ACOT11: variants seen among roughly 807,000 people sequenced by gnomAD.
The protein encoded by ACOT11 is acyl-CoA thioesterase 11, also known as acyl-coenzyme A thioesterase 11.
In ACOT11, 69 loss-of-function variants were observed where a neutral mutation model predicts 77.5. The ratio of observed to expected loss-of-function variants is 0.89; its 90% confidence interval spans 0.73 to 1.09. ACOT11 has a LOEUF of 1.09. ACOT11 is among the 50% of genes least tolerant of loss of function. The probability of loss-of-function intolerance (pLI) is 0.00; values close to 1 mark genes in which losing one functional copy is unlikely to be tolerated. For synonymous variants in ACOT11, 279 were observed against 313.0 expected (o/e 0.89, Z 1.15); for missense variants, 766 against 813.7 (o/e 0.94, Z 0.71).
intron 10 of ACOT11, 53 bp downstream of exon 10, chr1:54,602,777 C>T: frequency 6.8e-7 from 1 of 1,464,790 alleles, no homozygotes; most frequent in Admixed American, 2.7e-5. Context: ...TGTTCACGCT[C>T]CGCTGACCCC....
Position 54,592,606 on chromosome 1 carries a change from G to C in ACOT11, c.372G>C (p.Glu124Asp). 1 of 1,613,576 alleles carries C rather than the reference G, an allele frequency of 6.2e-7. No individual in the cohort carries two copies. Among genetic ancestry groups the C allele is most frequent in the Non-Finnish European group, 8.5e-7 (1 of 1,179,758 alleles). Residue 124 changes from glutamate to aspartate, a missense_variant and splice_region_variant, in exon 4 of 16, where the codon GAG (glutamate) becomes GAC (aspartate). Glu to Asp is a conservative substitution (Grantham distance 45, BLOSUM62 2). Transcript: ENST00000343744. ...ACCGGGCCTTCAACTCCAGCATGGA[G>C]GTGTGTGGGGTGGGCACTGCTTGGG... ...KVNRAFNSSMEVGIQVASEDL... is the reference protein window; with the variant it reads ...KVNRAFNSSMDVGIQVASEDL...
intron 6 of ACOT11, among the ~76,000 whole-genome samples, chr1:54,596,665 C>T (rs574487012): frequency 1.3e-5 from 2 of 152,236 alleles, no homozygotes; most frequent in African/African-American, 4.8e-5. Flanking sequence ...CCTCTGCCTC[C>T]CAGGTTCAAG....
chr1:54,590,426 C>T (rs778305225), intron 3 of ACOT11, among the ~76,000 whole-genome samples: 7 of 151,820 alleles, frequency 4.6e-5, no homozygotes, highest in South Asian at 2.1e-4. Context: ...GGGAAGGATC[C>T]GGTTTGGGCC....
At chr1:54,619,753 T>C in intron 15 of ACOT11, 1 of 1,140,446 alleles carries the variant, frequency 8.8e-7, no homozygotes, top group Non-Finnish European at 1.3e-6. Context: ...CTGAAAGACA[T>C]GTAAACAGCC....
intron 1 of ACOT11, among the ~76,000 whole-genome samples, chr1:54,554,897 A>G (rs1014981317): frequency 2.6e-5 from 4 of 152,208 alleles, no homozygotes; most frequent in African/African-American, 9.6e-5. Context: ...TCCCATGAAC[A>G]GTGTCAAAAG....
chr1:54,613,647 T>C (rs1314969109), downstream of ACOT11, among the ~76,000 whole-genome samples: 1 of 152,188 alleles, frequency 6.6e-6, no homozygotes, highest in Non-Finnish European at 1.5e-5. Context: ...TTTGTACTTT[T>C]CTTCTTCAAA....
At position 54,609,187 on chromosome 1, in the gene ACOT11, A is replaced by G; in HGVS notation, c.*75A>G. 1 of 1,602,774 alleles carries G rather than the reference A, an allele frequency of 6.2e-7. No individual in the cohort carries two copies. Among genetic ancestry groups the G allele is most frequent in the Non-Finnish European group, 8.5e-7 (1 of 1,173,944 alleles). The stretch of plus-strand genomic sequence containing the variant: ...AGGACTCACATACAGTGCCTGGAGA[A>G]AGCCAAAGACCTTTATTTCTTCCTG... On this transcript the variant is annotated 3_prime_UTR_variant, in exon 16 of 16. Coordinates refer to ENST00000343744, the MANE Select transcript of ACOT11 (RefSeq NM_147161.4).
chr1:54,622,045 G>A (rs1304129142), intron 15 of ACOT11, among the ~76,000 whole-genome samples: 1 of 152,014 alleles, frequency 6.6e-6, no homozygotes, highest in Non-Finnish European at 1.5e-5. Context: ...AGGCCAAGGT[G>A]GGCAGATCAC....
intron 15 of ACOT11, among the ~76,000 whole-genome samples, chr1:54,628,594 C>A (rs1470461977): frequency 1.7e-5 from 1 of 58,996 alleles, no homozygotes; most frequent in East Asian, 8.4e-4. Context: ...GACCCCATCG[C>A]CCCCCCCCCC....
At chr1:54,628,676 AG>A (rs1644284644) in intron 15 of ACOT11, among the ~76,000 whole-genome samples, 1 of 126,540 alleles carries the variant, frequency 7.9e-6, no homozygotes, top group Non-Finnish European at 1.7e-5. Flanking sequence ...AGGTGGTCTC[AG>A]CACTCTAAAT....
chr1:54,573,582 A>T (rs1381303316), intron 1 of ACOT11, among the ~76,000 whole-genome samples: 1 of 152,100 alleles, frequency 6.6e-6, no homozygotes, highest in Non-Finnish European at 1.5e-5. Context: ...AAAATACAAA[A>T]AGTATCCAGG....
At chr1:54,589,712 C>T (rs1654638146) in intron 3 of ACOT11, among the ~76,000 whole-genome samples, 1 of 152,032 alleles carries the variant, frequency 6.6e-6, no homozygotes, top group Non-Finnish European at 1.5e-5. Flanking sequence ...GTCTCAAATT[C>T]CTAGCTTCAA....
At chr1:54,592,163 G>T (rs1005751191) in intron 3 of ACOT11, among the ~76,000 whole-genome samples, 3 of 152,160 alleles carry the variant, frequency 2.0e-5, no homozygotes, top group African/African-American at 7.2e-5. Flanking sequence ...GGAGAGTGCC[G>T]CAGGGTGAGC....
chr1:54,611,535 C>T, downstream of ACOT11: 6 of 1,537,230 alleles, frequency 3.9e-6, 1 homozygote, highest in Non-Finnish European at 5.4e-6. Context: ...CCCAGCTCTG[C>T]TCCAGTGCCC....
chr1:54,600,337 A>G (rs1000890861), intron 8 of ACOT11, among the ~76,000 whole-genome samples: 2 of 152,196 alleles, frequency 1.3e-5, no homozygotes, highest in African/African-American at 4.8e-5. Flanking sequence ...CTGCAATCAT[A>G]GAACTTCCAA....
chr1:54,596,396 G>A (rs1026116396), intron 6 of ACOT11, among the ~76,000 whole-genome samples: 2 of 152,156 alleles, frequency 1.3e-5, no homozygotes, highest in Non-Finnish European at 2.9e-5. Flanking sequence ...CACCACCTTG[G>A]GTTTGGTGGG....
At chr1:54,602,992 C>T (rs1447794480) in intron 10 of ACOT11, among the ~76,000 whole-genome samples, 1 of 152,140 alleles carries the variant, frequency 6.6e-6, no homozygotes, top group African/African-American at 2.4e-5. Flanking sequence ...TGAGTCCAGC[C>T]GATTTTAAAT....
rs542260869 is a variant in ACOT11 at position 54,573,521 on chromosome 1, C to T, written c.34-11134C>T. On this transcript the variant is annotated intron_variant, in intron 1 of 15. Transcript: ENST00000343744. ...GCCAAGGCAGGAGGATCACTTGAGG[C>T]TAGGAGTTCGAGATCACCCTGGCCA... is the stretch of plus-strand genomic sequence containing the variant. 7.2e-5 allele frequency among the ~76,000 whole-genome samples: 11 copies of T among 152,140 alleles called. 1 individual carries two copies. The highest frequency in any genetic ancestry group is 2.7e-4 in the African/African-American group (11 of 41,504).
chr1:54,585,792 C>T (rs553660856), intron 2 of ACOT11, 43 bp from the exon 3 acceptor site: 11 of 1,607,200 alleles, frequency 6.8e-6, no homozygotes, highest in South Asian at 3.3e-5. Flanking sequence ...GGCCTGTGAT[C>T]GGGGGAGGCT....
Sources: gnomAD v4.1 joint callset for allele counts (sites outside exome capture counted in the v4.1 genomes callset) on GRCh38, gnomAD v4.1.1 for gene constraint, MANE v1.5 for transcripts, NCBI Gene and HGNC (gene_info 2026-07-23, HGNC 2026-07-21) for gene names.